The following NCK1 variants were observed in gnomAD, a reference collection of about 807,000 sequenced individuals.
NCK1 encodes SH2/SH3 adapter protein NCK1.
In NCK1, 19 loss-of-function variants were observed where a neutral mutation model predicts 36.6. That is an observed-to-expected ratio of 0.52 (90% confidence interval 0.36 to 0.76). NCK1 has a LOEUF of 0.76. Ranked by LOEUF, NCK1 falls within the 30% of genes least tolerant of loss-of-function variation. The probability of loss-of-function intolerance (pLI) is 0.00; values close to 1 mark genes in which losing one functional copy is unlikely to be tolerated. For synonymous variants in NCK1, 165 were observed against 156.0 expected, an observed-to-expected ratio of 1.06 and a Z score of -0.43; for missense variants, 358 against 445.6, an observed-to-expected ratio of 0.80 and a Z score of 1.77.
chr3:136,921,555 C>T (rs974024324), intron 1 of NCK1, among the ~76,000 whole-genome samples: 2 of 152,016 alleles, frequency 1.3e-5, no homozygotes, highest in African/African-American at 4.8e-5. Context: ...TATGCATGTC[C>T]AATTTGGGAG....
rs1199977734 is a variant in NCK1, at chr3:136,927,436, T to C, written c.-18-548T>C. Among the ~76,000 whole-genome samples the C allele has an allele frequency of 3.9e-5, 6 of 152,236 alleles. 1 individual carries two copies. Among genetic ancestry groups the C allele is most frequent in the African/African-American group, 1.2e-4 (5 of 41,468 alleles). ...TTGTAATTGAGTAGAACATTTTTCATTGGGTAGTGAACTTTATTGCTAGTA... is the reference window on the plus strand; with the variant it reads ...TTGTAATTGAGTAGAACATTTTTCACTGGGTAGTGAACTTTATTGCTAGTA... On this transcript the variant is annotated intron_variant, in intron 1 of 3. Transcript: ENST00000481752.
chr3:136,899,018 C>T (rs1322297274), intron 1 of NCK1: 1 of 161,610 alleles, frequency 6.2e-6, no homozygotes, highest in Non-Finnish European at 1.4e-5. Context: ...ATATAAACAC[C>T]CTTGTAAAGC....
At chr3:136,931,331 A>G (rs1298381032) in intron 2 of NCK1, among the ~76,000 whole-genome samples, 1 of 152,198 alleles carries the variant, frequency 6.6e-6, no homozygotes, top group African/African-American at 2.4e-5. Flanking sequence ...GTTTCTAGAA[A>G]AATGAACAGA....
intron 1 of NCK1, among the ~76,000 whole-genome samples, chr3:136,875,600 TA>T: frequency 6.6e-6 from 1 of 152,192 alleles, no homozygotes; most frequent in East Asian, 1.9e-4. Flanking sequence ...CACGAAGAGC[TA>T]ACTATCCTAA....
At chr3:136,874,713 TTTTG>T (rs1174735541) in intron 1 of NCK1, among the ~76,000 whole-genome samples, 1 of 152,174 alleles carries the variant, frequency 6.6e-6, no homozygotes, top group East Asian at 1.9e-4. Flanking sequence ...CATATAGTGT[TTTTG>T]TTTGTTTTGT....
At chr3:136,933,535 G>A (rs1372948475) in intron 2 of NCK1, among the ~76,000 whole-genome samples, 1 of 152,032 alleles carries the variant, frequency 6.6e-6, no homozygotes, top group Non-Finnish European at 1.5e-5. Flanking sequence ...CCAGTGGGTG[G>A]TAGTGAGGGA....
rs533010616 is a variant in NCK1 at position 136,864,268 on chromosome 3, G to A, written c.-19+1915G>A. 1.1e-4 allele frequency among the ~76,000 whole-genome samples: 16 copies of A among 152,052 alleles called. No individual in the cohort carries two copies. The South Asian group carries it at 2.7e-3, about 26-fold the overall frequency. ...AGCACTTTGGGAGGCCGAGGCAGGCGGATCACGAGGTCAGGAGATCGAGAC... is the reference window on the plus strand; with the variant it reads ...AGCACTTTGGGAGGCCGAGGCAGGCAGATCACGAGGTCAGGAGATCGAGAC... On this transcript the variant is annotated intron_variant, in intron 1 of 3. Coordinates refer to ENST00000481752, the MANE Select transcript of NCK1 (RefSeq NM_001291999.2).
rs1240362141 is a variant in NCK1 at position 136,951,162 on chromosome 3, G to A, written c.*2709G>A. On this transcript the variant is annotated 3_prime_UTR_variant, in exon 4 of 4. Transcript: ENST00000481752. ...AATAAGGTCATTCTTGCAGAATATG[G>A]CACTTAAATTATCTCCAGCTGTAAT... 6.6e-6 allele frequency among the ~76,000 whole-genome samples: 1 copy of A among 152,148 alleles called. No homozygotes were observed. The highest frequency in any genetic ancestry group is 1.5e-5 in the Non-Finnish European group (1 of 68,016).
At chr3:136,947,367 G>A (rs1940857658) in intron 3 of NCK1, among the ~76,000 whole-genome samples, 1 of 152,124 alleles carries the variant, frequency 6.6e-6, no homozygotes, top group African/African-American at 2.4e-5. Flanking sequence ...TAGCTTGAAT[G>A]CAGAATTGTA....
chr3:136,946,584 T>C (rs932962537), intron 3 of NCK1, among the ~76,000 whole-genome samples: 5 of 152,144 alleles, frequency 3.3e-5, no homozygotes, highest in Non-Finnish European at 7.4e-5. Flanking sequence ...TTAAACTAAA[T>C]GGAGAAAATG....
chr3:136,888,194 C>T (rs956524596), intron 1 of NCK1, among the ~76,000 whole-genome samples: 4 of 152,012 alleles, frequency 2.6e-5, no homozygotes, highest in East Asian at 3.9e-4. Flanking sequence ...CTGCCTGCCT[C>T]GGCCTCCCAA....
At chr3:136,883,151 C>T (rs1207945833) in intron 1 of NCK1, among the ~76,000 whole-genome samples, 1 of 152,084 alleles carries the variant, frequency 6.6e-6, no homozygotes, top group South Asian at 2.1e-4. Flanking sequence ...GTACTACTGG[C>T]GTCATGTGAT....
chr3:136,905,220 C>A (rs553616397), intron 1 of NCK1, among the ~76,000 whole-genome samples: 1 of 152,050 alleles, frequency 6.6e-6, no homozygotes, highest in South Asian at 2.1e-4. Flanking sequence ...CAGGGTTTCA[C>A]TGTGTTAGCC....
Position 136,928,063 on chromosome 3 carries a change from T to TG in NCK1, c.64dup (p.Asp22GlyfsTer6). ...TATGTGGCCCAACAAGAACAAGAGT[T>TG]GGACATCAAGAAGAATGAGAGATTA... On this transcript the variant is annotated frameshift_variant, in exon 2 of 4. Coordinates refer to ENST00000481752, the MANE Select transcript of NCK1 (RefSeq NM_001291999.2). LOFTEE classifies it high-confidence loss of function. 1 of 1,614,144 alleles carries TG rather than the reference T, an allele frequency of 6.2e-7. No homozygotes were observed. Among genetic ancestry groups the TG allele is most frequent in the Non-Finnish European group, 8.5e-7 (1 of 1,180,020 alleles).
chr3:136,864,478 A>G (rs970490835), intron 1 of NCK1, among the ~76,000 whole-genome samples: 2 of 138,962 alleles, frequency 1.4e-5, no homozygotes, highest in Non-Finnish European at 3.1e-5. Flanking sequence ...ACAGAGCAAG[A>G]TTCCGTCACA....
At chr3:136,917,127 G>C (rs1264320295) in intron 1 of NCK1, among the ~76,000 whole-genome samples, 1 of 152,090 alleles carries the variant, frequency 6.6e-6, no homozygotes, top group Non-Finnish European at 1.5e-5. Context: ...GAACAATGTG[G>C]CATGTTCTGT....
Position 136,949,660 on chromosome 3 carries a change from C to G in NCK1, c.*1207C>G, listed in dbSNP as rs1320397875. On this transcript the variant is annotated 3_prime_UTR_variant, in exon 4 of 4. Coordinates refer to ENST00000481752, the MANE Select transcript of NCK1 (RefSeq NM_001291999.2). ...GAGATTTAAATTTAAGTAAAGTAGC[C>G]ATCAGTATTTTAATTGAAAAATACT... 1 of 151,866 alleles carries G rather than the reference C, an allele frequency of 6.6e-6. No homozygotes were observed. The highest frequency in any genetic ancestry group is 6.6e-5 in the Admixed American group (1 of 15,234). The allele number at this position is 151,866 out of a possible 1,614,324, so 9.4% of individuals were successfully genotyped here.
At chr3:136,897,448 G>A (rs1939419639) in intron 1 of NCK1, among the ~76,000 whole-genome samples, 1 of 152,036 alleles carries the variant, frequency 6.6e-6, no homozygotes, top group African/African-American at 2.4e-5. Context: ...ATTTCATGTG[G>A]TTTTTATTTG....
intron 1 of NCK1, among the ~76,000 whole-genome samples, chr3:136,909,256 A>G (rs1939772847): frequency 3.3e-5 from 5 of 152,228 alleles, no homozygotes; most frequent in Admixed American, 2.0e-4. Context: ...GACTACTCAG[A>G]GATATCTAGG....
Sources: allele counts gnomAD v4.1 joint callset (sites outside exome capture counted in the v4.1 genomes callset), GRCh38; gene constraint gnomAD v4.1.1; transcripts MANE v1.5; gene names NCBI Gene and HGNC (gene_info 2026-07-23, HGNC 2026-07-21).